The following USP15 variants were observed in gnomAD, a reference collection of about 807,000 sequenced individuals.
USP15 encodes ubiquitin specific peptidase 15.
USP15 carries 18 observed loss-of-function variants against 127.1 expected under a neutral mutation model. The ratio of observed to expected loss-of-function variants is 0.14; its 90% CI spans 0.10 to 0.21. The LOEUF (loss-of-function observed/expected upper bound fraction) is 0.21. USP15 is among the 10% of genes least tolerant of loss of function. The pLI, the probability that USP15 is intolerant of heterozygous loss-of-function variation, is 1.00. For synonymous variants in USP15, 364 were observed against 393.7 expected, an observed-to-expected ratio of 0.92 and a Z score of 0.89; for missense variants, 805 against 1,159.9, an observed-to-expected ratio of 0.69 and a Z score of 4.44.
rs1216872527 is a variant in USP15 at position 62,411,811 on chromosome 12, CTG to C, written c.*7440_*7441del. 1 of 152,262 alleles carries C rather than the reference CTG, an allele frequency of 6.6e-6. No individual in the cohort carries two copies. Among genetic ancestry groups the C allele is most frequent in the African/African-American group, 2.4e-5 (1 of 41,432 alleles). The allele number at this position is 152,262 out of a possible 1,614,324, so 9.4% of individuals were successfully genotyped here. A position where few individuals can be genotyped will look rare whatever the true frequency, so the allele number is the denominator to read the frequency against. On this transcript the variant is annotated 3_prime_UTR_variant, in exon 22 of 22. Transcript: ENST00000280377. ...TGGCTTACAGATGGCTGCCTTCTCA[CTG>C]TGTTCTTGCATGGTAGCAGAGGAGG...
rs143518586 is a variant in USP15 at position 62,400,549 on chromosome 12, G to A, written c.2675-638G>A. Among the ~76,000 whole-genome samples the A allele has an allele frequency of 5.2e-4, 77 of 148,848 alleles. 1 individual carries two copies. Among genetic ancestry groups the A allele is most frequent in the South Asian group, 1.3e-3 (6 of 4,736 alleles). ...TCTGTGGTTGGTTGGGTTCAGGGAC[G>A]CAGAACCCATGTATGCACAGGACCG... On this transcript the variant is annotated intron_variant, in intron 20 of 21. Coordinates refer to ENST00000280377, the MANE Select transcript of USP15 (RefSeq NM_001252078.2).
chr12:62,323,988 A>G (rs568657822), intron 5 of USP15, among the ~76,000 whole-genome samples: 1 of 145,280 alleles, frequency 6.9e-6, no homozygotes, highest in East Asian at 2.0e-4. Flanking sequence ...AGTGACATAA[A>G]CCCTCTCCTG....
At chr12:62,279,339 A>G (rs1224503456) in intron 1 of USP15, among the ~76,000 whole-genome samples, 1 of 152,132 alleles carries the variant, frequency 6.6e-6, no homozygotes, top group Non-Finnish European at 1.5e-5. Flanking sequence ...TTCTTTTTTC[A>G]GGCTAAATAG....
chr12:62,383,297 T>C (rs902374136), intron 9 of USP15, among the ~76,000 whole-genome samples: 1 of 151,952 alleles, frequency 6.6e-6, no homozygotes, highest in African/African-American at 2.4e-5. Flanking sequence ...ATAACTTTGT[T>C]TTGCATGTGT....
At chr12:62,392,418 TTTTC>T (rs2067353132) in intron 18 of USP15, 31 bp downstream of exon 18, 1 of 1,500,608 alleles carries the variant, frequency 6.7e-7, no homozygotes, top group African/African-American at 1.4e-5. Flanking sequence ...ATTGTTTTTG[TTTTC>T]TTTAAGGATT....
intron 6 of USP15, among the ~76,000 whole-genome samples, chr12:62,333,143 G>A (rs2065353958): frequency 6.6e-6 from 1 of 152,142 alleles, no homozygotes; most frequent in Non-Finnish European, 1.5e-5. Context: ...AATACATGTT[G>A]GCTGTAGCCA....
rs1054243437 is a variant in USP15 at position 62,325,874 on chromosome 12, A to T, written c.624A>T (p.Val208=). ...CTTTTATTGTGTCATATTTGCAGGTATTAGTGATAGAACAGAAAAATGAAG... is the reference window on the plus strand; with the variant it reads ...CTTTTATTGTGTCATATTTGCAGGTTTTAGTGATAGAACAGAAAAATGAAG... The part of the protein sequence containing the change: ...IQDAGLYQGQ[V]LVIEQKNEDG... Residue 208 remains valine, a splice_region_variant and synonymous_variant, in exon 6 of 22, where the codon GTA becomes GTT. Transcript: ENST00000280377. 4 of 1,609,102 alleles carry T rather than the reference A, an allele frequency of 2.5e-6. No individual in the cohort carries two copies. Among genetic ancestry groups the T allele is most frequent in the Admixed American group, 3.4e-5 (2 of 59,442 alleles).
intron 1 of USP15, among the ~76,000 whole-genome samples, chr12:62,274,512 G>T (rs553006199): frequency 6.6e-6 from 1 of 152,012 alleles, no homozygotes; most frequent in African/African-American, 2.4e-5. Context: ...CGGGTGTGGT[G>T]GTGCTGTCTG....
At chr12:62,274,074 G>A (rs1369656259) in intron 1 of USP15, 3 of 152,022 alleles carry the variant, frequency 2.0e-5, no homozygotes, top group Admixed American at 6.6e-5. Flanking sequence ...TTTAAAGTTT[G>A]GTGTAATGAA....
At chr12:62,340,798 T>C (rs1565869721) in intron 6 of USP15, among the ~76,000 whole-genome samples, 1 of 152,188 alleles carries the variant, frequency 6.6e-6, no homozygotes, top group Non-Finnish European at 1.5e-5. Flanking sequence ...CTTCCATTTA[T>C]GTGATTGATT....
intron 6 of USP15, 84 bp downstream of exon 6, chr12:62,326,017 C>T: frequency 8.5e-7 from 1 of 1,175,718 alleles, no homozygotes; most frequent in Non-Finnish European, 1.2e-6. Flanking sequence ...GATAGAAGAA[C>T]CTAGATGTGT....
intron 1 of USP15, among the ~76,000 whole-genome samples, chr12:62,270,996 G>C (rs1160126957): frequency 1.3e-5 from 2 of 151,842 alleles, no homozygotes; most frequent in South Asian, 2.1e-4. Context: ...TGAATGTTTT[G>C]TGTCATTTAA....
chr12:62,380,310 G>A (rs1049728871), intron 8 of USP15, among the ~76,000 whole-genome samples: 8 of 151,814 alleles, frequency 5.3e-5, no homozygotes, highest in Non-Finnish European at 1.0e-4. Context: ...CCACAAAATT[G>A]AGTACCAGAA....
intron 8 of USP15, among the ~76,000 whole-genome samples, chr12:62,376,284 A>G (rs1007523240): frequency 6.6e-6 from 1 of 151,974 alleles, no homozygotes; most frequent in Non-Finnish European, 1.5e-5. Context: ...TCTCTTTTTC[A>G]TTAAAAATTG....
In USP15 at chr12:62,288,481, C is replaced by T. The variant is rs536776074; in HGVS notation, c.90-5698C>T. ...TTGTATGCTGAAACTTTACTGAGTT[C>T]GTTTCTCAAAGAAGTCTTCGTGGAA... On this transcript the variant is annotated intron_variant, in intron 1 of 21. Transcript: ENST00000280377. 7.3e-4 allele frequency among the ~76,000 whole-genome samples: 109 copies of T among 149,784 alleles called. 1 individual carries two copies. The highest frequency in any genetic ancestry group is 2.5e-3 in the African/African-American group (103 of 40,716).
chr12:62,350,608 A>C (rs1383360913), intron 7 of USP15, among the ~76,000 whole-genome samples: 1 of 152,128 alleles, frequency 6.6e-6, no homozygotes, highest in Non-Finnish European at 1.5e-5. Flanking sequence ...TGGGCAATAC[A>C]AGTAAAGGAA....
chr12:62,301,888 A>G (rs529964136), intron 2 of USP15, among the ~76,000 whole-genome samples: 6 of 152,334 alleles, frequency 3.9e-5, no homozygotes, highest in African/African-American at 1.4e-4. Context: ...TAAGTTGGAT[A>G]TAACTCAGTG....
chr12:62,385,894 T>C (rs1181880735), intron 11 of USP15, among the ~76,000 whole-genome samples: 7 of 152,102 alleles, frequency 4.6e-5, no homozygotes, highest in Non-Finnish European at 1.0e-4. Context: ...ATGTAGATGT[T>C]TTATTTCTCT....
At chr12:62,360,770 G>A (rs558945249) in intron 8 of USP15, among the ~76,000 whole-genome samples, 5 of 152,082 alleles carry the variant, frequency 3.3e-5, no homozygotes, top group Admixed American at 2.0e-4. Context: ...AACTGAGAAC[G>A]TGGCTAATGA....
Sources: allele counts gnomAD v4.1 joint callset (sites outside exome capture counted in the v4.1 genomes callset), GRCh38; gene constraint gnomAD v4.1.1; transcripts MANE v1.5; gene names NCBI Gene and HGNC (gene_info 2026-07-23, HGNC 2026-07-21).